Variants in PLXDC2 observed in about 807,000 individuals in gnomAD.
PLXDC2 encodes plexin domain containing 2.
PLXDC2 carries 40 observed loss-of-function variants against 68.9 expected under a neutral mutation model. The observed-to-expected ratio is 0.58, with a 90% CI of 0.45 to 0.76. The LOEUF is 0.76. PLXDC2 is among the 30% of genes least tolerant of loss of function. The pLI is 0.00. For synonymous variants in PLXDC2, 243 were observed against 234.2 expected (o/e 1.04, Z -0.34); for missense variants, 644 against 661.9 (o/e 0.97, Z 0.30).
At chr10:19,841,995 G>A (rs1231584424) in intron 1 of PLXDC2, among the ~76,000 whole-genome samples, 5 of 152,124 alleles carry the variant, frequency 3.3e-5, no homozygotes, top group Non-Finnish European at 7.3e-5. Flanking sequence ...ACCACTTGAG[G>A]CCAGGCACAG....
rs150844518 is a variant in PLXDC2 at position 20,236,984 on chromosome 10, G to A, written c.1313-8361G>A. Among the ~76,000 whole-genome samples, 3 of 149,338 alleles carry A rather than the reference G, an allele frequency of 2.0e-5. No individual in the cohort carries two copies. In the Admixed American group the frequency reaches 2.0e-4, roughly 10 times the overall value. ...TTTATTTTTCTAAGATAAAAGGTAA[G>A]GGATTATGAGTTGTTGTTTTTTTTT... On this transcript the variant is annotated intron_variant, in intron 12 of 13. Transcript: ENST00000377252.
chr10:20,082,056 A>AC (rs1227760184), intron 4 of PLXDC2, among the ~76,000 whole-genome samples: 1 of 142,022 alleles, frequency 7.0e-6, no homozygotes, highest in African/African-American at 2.6e-5. Flanking sequence ...AAAAAAAAAA[A>AC]AAAAAATCAA....
At chr10:19,986,269 C>T (rs1834637624) in intron 1 of PLXDC2, among the ~76,000 whole-genome samples, 1 of 151,968 alleles carries the variant, frequency 6.6e-6, no homozygotes, top group Non-Finnish European at 1.5e-5. Flanking sequence ...AGTTTAAATA[C>T]AGTCGAGTTA....
At chr10:20,140,411 A>ATCTATCTG (rs1554769240) in intron 4 of PLXDC2, among the ~76,000 whole-genome samples, 3 of 147,208 alleles carry the variant, frequency 2.0e-5, no homozygotes, top group Non-Finnish European at 3.0e-5. Context: ...TAAAATATCT[A>ATCTATCTG]TCTATCTATC....
At chr10:19,977,864 T>C (rs926167896) in intron 1 of PLXDC2, among the ~76,000 whole-genome samples, 3 of 152,166 alleles carry the variant, frequency 2.0e-5, no homozygotes, top group African/African-American at 7.2e-5. Context: ...CACCTCCAAA[T>C]ATCACCCAGT....
intron 1 of PLXDC2, among the ~76,000 whole-genome samples, chr10:19,924,313 G>C (rs537753670): frequency 1.3e-5 from 2 of 152,252 alleles, no homozygotes; most frequent in South Asian, 4.1e-4. Context: ...TCTTGGCAGA[G>C]AGGTTGTCTC....
At chr10:20,270,233 T>C (rs971220888) in intron 13 of PLXDC2, among the ~76,000 whole-genome samples, 1 of 151,956 alleles carries the variant, frequency 6.6e-6, no homozygotes, top group Admixed American at 6.6e-5. Flanking sequence ...ACAGGAGCCA[T>C]GTGAAGGAAG....
intron 4 of PLXDC2, among the ~76,000 whole-genome samples, chr10:20,111,969 A>AG: frequency 6.6e-6 from 1 of 152,296 alleles, no homozygotes; most frequent in South Asian, 2.1e-4. Context: ...GAATTTATTG[A>AG]GGGGGAGACT....
chr10:20,115,918 G>A (rs1467199980), intron 4 of PLXDC2, among the ~76,000 whole-genome samples: 1 of 152,116 alleles, frequency 6.6e-6, no homozygotes, highest in Non-Finnish European at 1.5e-5. Context: ...AACGGGAGCT[G>A]CAGATAAATG....
At chr10:20,017,938 G>A (rs1334054216) in intron 2 of PLXDC2, among the ~76,000 whole-genome samples, 1 of 152,194 alleles carries the variant, frequency 6.6e-6, no homozygotes, top group African/African-American at 2.4e-5. Context: ...GGACCATGGG[G>A]ACCATAAGGA....
chr10:19,992,210 A>G (rs1253606762), intron 1 of PLXDC2, among the ~76,000 whole-genome samples: 1 of 152,222 alleles, frequency 6.6e-6, no homozygotes, highest in Non-Finnish European at 1.5e-5. Flanking sequence ...ACACTTAGCT[A>G]AACTGGAGGG....
At chr10:20,209,670 T>A (rs1483350355) in intron 9 of PLXDC2, among the ~76,000 whole-genome samples, 1 of 152,158 alleles carries the variant, frequency 6.6e-6, no homozygotes, top group Non-Finnish European at 1.5e-5. Flanking sequence ...AACATTGCTG[T>A]TATCCTGTTC....
chr10:20,217,618 T>C, intron 11 of PLXDC2, 42 bp downstream of exon 11: 2 of 1,515,840 alleles, frequency 1.3e-6, no homozygotes, highest in Non-Finnish European at 1.8e-6. Flanking sequence ...TTTTTTTTTT[T>C]TTTTTTCCCT....
At chr10:19,975,497 A>G (rs1242176954) in intron 1 of PLXDC2, among the ~76,000 whole-genome samples, 2 of 151,954 alleles carry the variant, frequency 1.3e-5, no homozygotes, top group African/African-American at 4.8e-5. Flanking sequence ...TAAATAAAAC[A>G]CAAAGGAAGA....
intron 13 of PLXDC2, among the ~76,000 whole-genome samples, chr10:20,279,334 G>C (rs1217328311): frequency 6.6e-6 from 1 of 152,180 alleles, no homozygotes. Context: ...AGAGAAGAGA[G>C]AGTGTCTGTG....
At chr10:20,142,425 C>G (rs1209941918) in intron 4 of PLXDC2, among the ~76,000 whole-genome samples, 1 of 152,044 alleles carries the variant, frequency 6.6e-6, no homozygotes, top group Non-Finnish European at 1.5e-5. Context: ...GCTGACTCTC[C>G]TTTCAGACAG....
At chr10:19,878,174 G>A (rs997225521) in intron 1 of PLXDC2, among the ~76,000 whole-genome samples, 2 of 58,950 alleles carry the variant, frequency 3.4e-5, no homozygotes, top group East Asian at 4.0e-4. Flanking sequence ...TATCATATGG[G>A]CATCACATAT....
At chr10:20,014,378 CCTTG>C (rs1193731862) in intron 2 of PLXDC2, among the ~76,000 whole-genome samples, 625 of 58,942 alleles carry the variant, frequency 0.011, 2 homozygotes, top group Non-Finnish European at 0.016. Flanking sequence ...TTCCTTCCTT[CCTTG>C]CTTCCTTCCT....
intron 1 of PLXDC2, among the ~76,000 whole-genome samples, chr10:19,907,157 G>T (rs1335391567): frequency 1.3e-5 from 2 of 152,074 alleles, no homozygotes; most frequent in African/African-American, 4.8e-5. Flanking sequence ...TCAGGAAGTA[G>T]AATTTTATTT....
Sources: allele counts gnomAD v4.1 joint callset (sites outside exome capture counted in the v4.1 genomes callset), GRCh38; gene constraint gnomAD v4.1.1; transcripts MANE v1.5; gene names NCBI Gene and HGNC (gene_info 2026-07-23, HGNC 2026-07-21).